The following EFL1 variants were observed in gnomAD, a reference collection of about 807,000 sequenced individuals.
The protein encoded by EFL1 is elongation factor like GTPase 1, also known as elongation factor-like GTPase 1.
Under a neutral mutation model 126.7 loss-of-function variants are expected in EFL1, and 76 were observed. That is an observed-to-expected ratio of 0.60 (90% CI 0.50 to 0.73). The LOEUF is 0.73. Among genes scored for constraint, EFL1 ranks in the 30% least tolerant of loss-of-function variants. The pLI is 0.00. For missense variants in EFL1, 1,128 were observed against 1,343.2 expected (o/e 0.84, Z 2.50); for synonymous variants, 410 against 448.4 (o/e 0.91, Z 1.08).
At chr15:82,195,590 C>G (rs540520031) in intron 15 of EFL1, among the ~76,000 whole-genome samples, 8 of 152,250 alleles carry the variant, frequency 5.3e-5, no homozygotes, top group African/African-American at 1.9e-4. Context: ...GATTTGCTGT[C>G]CCTCAAGTTT....
In EFL1 at chr15:82,137,855, G is replaced by A. The variant is rs912759922; in HGVS notation, c.3174+803C>T. Among the ~76,000 whole-genome samples the A allele has an allele frequency of 7.9e-5, 12 of 152,082 alleles. No homozygotes were observed. The East Asian group carries it at 1.2e-3, about 15-fold the overall frequency. On this transcript the variant is annotated intron_variant, in intron 19 of 19. Coordinates refer to ENST00000268206, the MANE Select transcript of EFL1 (RefSeq NM_024580.6). Reference sequence around the variant, plus strand: ...TGTTTTTACCAGCCTTTTCTCATGCGGCACCTTCTGATTGAGTGTCCTTCT... The same window carrying A: ...TGTTTTTACCAGCCTTTTCTCATGCAGCACCTTCTGATTGAGTGTCCTTCT...
intron 18 of EFL1, among the ~76,000 whole-genome samples, chr15:82,151,109 G>T (rs988194924): frequency 3.3e-5 from 5 of 152,308 alleles, no homozygotes; most frequent in African/African-American, 1.2e-4. Flanking sequence ...GGTCTGCCAG[G>T]TGCAGTGGCT....
intron 14 of EFL1, among the ~76,000 whole-genome samples, chr15:82,219,069 C>T (rs1018175699): frequency 2.0e-5 from 3 of 152,174 alleles, no homozygotes; most frequent in African/African-American, 7.2e-5. Flanking sequence ...CCTATGACCT[C>T]TATTATTTAA....
chr15:82,166,092 A>G (rs2074076898), intron 15 of EFL1, among the ~76,000 whole-genome samples: 1 of 152,152 alleles, frequency 6.6e-6, no homozygotes, highest in Non-Finnish European at 1.5e-5. Context: ...GTTTAGGAAA[A>G]CCCCATAGTA....
intron 19 of EFL1, among the ~76,000 whole-genome samples, chr15:82,135,486 G>A (rs900772563): frequency 2.0e-5 from 3 of 151,962 alleles, no homozygotes; most frequent in Non-Finnish European, 4.4e-5. Context: ...CCGAAGGTGG[G>A]GGCATACTTT....
intron 15 of EFL1, among the ~76,000 whole-genome samples, chr15:82,201,142 T>C (rs1216674003): frequency 6.6e-6 from 1 of 152,280 alleles, no homozygotes; most frequent in Non-Finnish European, 1.5e-5. Flanking sequence ...ACTAAATAGC[T>C]TCTGGCTGCT....
At chr15:82,219,294 C>G (rs935859272) in intron 14 of EFL1, among the ~76,000 whole-genome samples, 1 of 152,182 alleles carries the variant, frequency 6.6e-6, no homozygotes, top group African/African-American at 2.4e-5. Context: ...CCTAAGCCAG[C>G]TAGTTTTTGG....
At chr15:82,253,532 C>T (rs189038507) in intron 3 of EFL1, among the ~76,000 whole-genome samples, 9 of 152,216 alleles carry the variant, frequency 5.9e-5, no homozygotes, top group Admixed American at 1.3e-4. Flanking sequence ...GAACAACTTA[C>T]GGACAGTAGC....
chr15:82,257,704 A>G (rs900510802), intron 3 of EFL1, among the ~76,000 whole-genome samples: 1 of 152,172 alleles, frequency 6.6e-6, no homozygotes, highest in Non-Finnish European at 1.5e-5. Context: ...ATATGGTGTG[A>G]TACCTTTGTT....
chr15:82,152,009 T>A lies in EFL1; in HGVS notation c.2445A>T (p.Arg815Ser). ...AGATTTGGTCAACAATGTTCCTCCA[T>A]CTTCTCCCTGTTAGGTGTTGCTCCA... ...GKLEQHLTGR[R>S]WRNIVDQIWS... Residue 815 changes from arginine to serine, a missense_variant, in exon 18 of 20, where the codon AGA (arginine) becomes AGT (serine). Physicochemically the swap from Arg to Ser is moderately radical, Grantham distance 110. Transcript: ENST00000268206. 6.2e-7 allele frequency: 1 copy of A among 1,614,194 alleles called. No homozygotes were observed. Among genetic ancestry groups the A allele is most frequent in the South Asian group, 1.1e-5 (1 of 91,084 alleles).
intron 7 of EFL1, among the ~76,000 whole-genome samples, chr15:82,234,548 T>G (rs1240733810): frequency 6.6e-6 from 1 of 152,076 alleles, no homozygotes; most frequent in Non-Finnish European, 1.5e-5. Context: ...AACAGAAAAT[T>G]ATGATATTAT....
intron 15 of EFL1, among the ~76,000 whole-genome samples, chr15:82,183,683 T>C (rs2074275083): frequency 6.6e-6 from 1 of 152,242 alleles, no homozygotes; most frequent in Admixed American, 6.5e-5. Context: ...ACTGAATATT[T>C]AGCCATTTTG....
At chr15:82,200,219 C>T (rs559877662) in intron 15 of EFL1, among the ~76,000 whole-genome samples, 5 of 152,078 alleles carry the variant, frequency 3.3e-5, no homozygotes, top group South Asian at 4.1e-4. Context: ...AGTTATAGAA[C>T]GTAAAACATT....
chr15:82,155,540 C>T (rs761246288), intron 17 of EFL1, among the ~76,000 whole-genome samples: 7 of 151,978 alleles, frequency 4.6e-5, no homozygotes, highest in South Asian at 2.1e-4. Flanking sequence ...TGTTGCTATG[C>T]GTATTCTTGA....
intron 15 of EFL1, among the ~76,000 whole-genome samples, chr15:82,190,223 C>T (rs1029139136): frequency 6.6e-6 from 1 of 152,062 alleles, no homozygotes. Context: ...CTGTTCCTCA[C>T]TGCGTTGTTT....
chr15:82,164,501 C>G (rs1186273110), intron 15 of EFL1, among the ~76,000 whole-genome samples: 1 of 152,122 alleles, frequency 6.6e-6, no homozygotes, highest in East Asian at 1.9e-4. Flanking sequence ...ACCCCTTCCC[C>G]CTGCCATACA....
chr15:82,195,097 C>T (rs1275207032), intron 15 of EFL1, among the ~76,000 whole-genome samples: 1 of 152,040 alleles, frequency 6.6e-6, no homozygotes, highest in Non-Finnish European at 1.5e-5. Context: ...TTCTTAAAGA[C>T]AATTTTATAT....
intron 15 of EFL1, among the ~76,000 whole-genome samples, chr15:82,206,536 T>C (rs2074526760): frequency 1.3e-5 from 2 of 152,182 alleles, no homozygotes; most frequent in Admixed American, 1.3e-4. Context: ...TGTATCTCAT[T>C]TGGCAGGGAA....
intron 7 of EFL1, among the ~76,000 whole-genome samples, chr15:82,236,483 G>A (rs2074873743): frequency 6.6e-6 from 1 of 152,146 alleles, no homozygotes; most frequent in South Asian, 2.1e-4. Context: ...TAGATTAAAG[G>A]AACAGAACAA....
Sources: gnomAD v4.1 joint callset for allele counts (sites outside exome capture counted in the v4.1 genomes callset) on GRCh38, gnomAD v4.1.1 for gene constraint, MANE v1.5 for transcripts, NCBI Gene and HGNC (gene_info 2026-07-23, HGNC 2026-07-21) for gene names.